FAM135A: variants seen among roughly 807,000 people sequenced by gnomAD.
FAM135A encodes protein FAM135A.
A neutral mutation model predicts 146.8 loss-of-function variants in FAM135A; 79 were observed. The ratio of observed to expected loss-of-function variants is 0.54; its 90% CI spans 0.45 to 0.65. The LOEUF is 0.65. FAM135A is among the 30% of genes least tolerant of loss of function. The pLI, the probability that FAM135A is intolerant of heterozygous loss-of-function variation, is 0.00. For synonymous variants in FAM135A, 562 were observed against 603.6 expected (o/e 0.93, Z 1.01); for missense variants, 1,623 against 1,758.2 (o/e 0.92, Z 1.38).
chr6:70,534,846 G>T (rs1796519956), intron 18 of FAM135A, among the ~76,000 whole-genome samples: 1 of 152,118 alleles, frequency 6.6e-6, no homozygotes, highest in Admixed American at 6.5e-5. Context: ...CCAACTCGAA[G>T]TATAGGGAAT....
chr6:70,489,126 A>T (rs780217748), intron 10 of FAM135A, among the ~76,000 whole-genome samples: 12 of 152,194 alleles, frequency 7.9e-5, no homozygotes, highest in Non-Finnish European at 1.6e-4. Context: ...TCTAATTTTT[A>T]AAAATCAGAG....
At chr6:70,489,598 A>C (rs1047035464) in intron 10 of FAM135A, among the ~76,000 whole-genome samples, 1 of 152,200 alleles carries the variant, frequency 6.6e-6, no homozygotes, top group African/African-American at 2.4e-5. Flanking sequence ...TGAAAGATAA[A>C]GCAGAGCAAG....
At position 70,528,393 on chromosome 6, in the gene FAM135A, A is replaced by T; in HGVS notation, c.3716A>T (p.Glu1239Val). Residue 1239 changes from glutamate to valine, a missense_variant, in exon 16 of 22, where the codon GAA (glutamate) becomes GTA (valine). By Grantham distance (121) the Glu-to-Val change is moderately radical. Coordinates refer to ENST00000418814, the MANE Select transcript of FAM135A (RefSeq NM_001162529.3). ...LASSVPYFSV[E>V]EEDGSEDGVH... ...TCCTCAGTACCTTATTTTAGTGTAG[A>T]AGAAGAGGATGGTTCTGAAGATGGA... 6.2e-7 allele frequency: 1 copy of T among 1,613,692 alleles called. No individual in the cohort carries two copies. The highest frequency in any genetic ancestry group is 1.7e-4 in the Middle Eastern group (1 of 6,056).
chr6:70,438,773 CGTT>C (rs1773799666), intron 4 of FAM135A, among the ~76,000 whole-genome samples: 1 of 152,110 alleles, frequency 6.6e-6, no homozygotes, highest in Admixed American at 6.5e-5. Context: ...TTATCTGTGA[CGTT>C]GTGAAGAAGG....
chr6:70,524,399 A>C lies in FAM135A; in HGVS notation c.1315A>C (p.Met439Leu), dbSNP rs1794260474. 6.6e-7 allele frequency: 1 copy of C among 1,519,954 alleles called. No individual in the cohort carries two copies. The highest frequency in any genetic ancestry group is 8.8e-7 in the Non-Finnish European group (1 of 1,138,830). 94.2% of individuals were successfully genotyped at this position (1,519,954 alleles called of 1,614,324 possible). ...QNLQRSESSK[M>L]DKYETEESSV... ...TCTTCAGAGATCAGAGTCCAGTAAA[A>C]TGGATAAATATGAGACTGAAGAAAG... The change falls in exon 15 of 22, where the codon ATG becomes CTG. Residue 439 changes from methionine (M) to leucine (L), a missense_variant. Met to Leu is a conservative substitution (Grantham distance 15, BLOSUM62 2). Transcript: ENST00000418814.
intron 20 of FAM135A, among the ~76,000 whole-genome samples, chr6:70,549,347 C>T (rs1434103384): frequency 2.6e-5 from 4 of 151,954 alleles, no homozygotes. Context: ...ACATGAAAAG[C>T]TGTCCCCAAA....
chr6:70,442,294 T>TA (rs1774733826), intron 4 of FAM135A, among the ~76,000 whole-genome samples: 1 of 144,194 alleles, frequency 6.9e-6, no homozygotes. Context: ...GCAGTCAAAA[T>TA]ACTGTGTTTT....
At chr6:70,547,179 A>C (rs913246199) in intron 20 of FAM135A, among the ~76,000 whole-genome samples, 1 of 152,178 alleles carries the variant, frequency 6.6e-6, no homozygotes, top group Non-Finnish European at 1.5e-5. Flanking sequence ...CTGCTGTCCT[A>C]CTGTGGCACA....
chr6:70,495,254 C>A (rs928380805), intron 11 of FAM135A, among the ~76,000 whole-genome samples: 2 of 152,154 alleles, frequency 1.3e-5, no homozygotes, highest in African/African-American at 4.8e-5. Context: ...TAAACACTTT[C>A]CATAAATTCT....
chr6:70,494,501 A>G (rs906906810), intron 11 of FAM135A, among the ~76,000 whole-genome samples: 1 of 150,202 alleles, frequency 6.7e-6, no homozygotes, highest in African/African-American at 2.4e-5. Flanking sequence ...TCTCAAGTTT[A>G]AAAAAAGAAA....
At position 70,528,274 on chromosome 6, in the gene FAM135A, T is replaced by C; in HGVS notation, c.3615-18T>C. On this transcript the variant is annotated intron_variant, in intron 15 of 21. Coordinates refer to ENST00000418814, the MANE Select transcript of FAM135A (RefSeq NM_001162529.3). Reference sequence around the variant, plus strand: ...AATATGATCCTTAGTAAAGAGTATCTTTTGTATTTTGCTTCAGCTTCCTTC... The same window carrying C: ...AATATGATCCTTAGTAAAGAGTATCCTTTGTATTTTGCTTCAGCTTCCTTC... The C allele has an allele frequency of 6.3e-7, 1 of 1,595,404 alleles. No homozygotes were observed. Among genetic ancestry groups the C allele is most frequent in the African/African-American group, 1.3e-5 (1 of 74,420 alleles).
intron 12 of FAM135A, among the ~76,000 whole-genome samples, chr6:70,515,554 G>T (rs906744122): frequency 6.6e-6 from 1 of 152,046 alleles, no homozygotes; most frequent in Non-Finnish European, 1.5e-5. Context: ...TCTGGAAAAA[G>T]AAAAACTATG....
At chr6:70,526,764 C>CAA (rs774266142) in intron 15 of FAM135A, 66 bp downstream of exon 15, 1 of 594,104 alleles carries the variant, frequency 1.7e-6, no homozygotes, top group Non-Finnish European at 2.5e-6. Flanking sequence ...CACACACACA[C>CAA]ATACACACAC....
In FAM135A at chr6:70,482,170, C is replaced by G. The variant is rs1418758236; in HGVS notation, c.823+16C>G. 4 of 1,611,376 alleles carry G rather than the reference C, an allele frequency of 2.5e-6. No individual in the cohort carries two copies. The highest frequency in any genetic ancestry group is 2.2e-5 in the East Asian group (1 of 44,722). On this transcript the variant is annotated intron_variant, in intron 10 of 21. Transcript: ENST00000418814. The stretch of plus-strand genomic sequence containing the variant: ...CTAGAACTGGGTATGTTAAAAGTAG[C>G]GAGACTTATTCTACAGTTCAAATCA...
At chr6:70,451,424 G>A (rs1777063349) in intron 4 of FAM135A, among the ~76,000 whole-genome samples, 1 of 152,086 alleles carries the variant, frequency 6.6e-6, no homozygotes, top group Admixed American at 6.5e-5. Flanking sequence ...CTTTCCCCTG[G>A]TTTCAAGGTT....
intron 12 of FAM135A, among the ~76,000 whole-genome samples, chr6:70,519,186 G>T (rs976112544): frequency 6.6e-6 from 1 of 152,158 alleles, no homozygotes; most frequent in Admixed American, 6.5e-5. Context: ...GACGAGTGGA[G>T]AAAATAACTG....
Position 70,525,088 on chromosome 6 carries a change from T to C in FAM135A, c.2004T>C (p.Ser668=), listed in dbSNP as rs763538922. ...EIKPSNKDPF[S]GENITVKLGP... ...AGCCCAGTAATAAAGATCCTTTCAG[T>C]GGAGAGAATATAACTGTCAAACTAG... Residue 668 remains serine, a synonymous_variant, in exon 15 of 22, where the codon AGT becomes AGC. Coordinates refer to ENST00000418814, the MANE Select transcript of FAM135A (RefSeq NM_001162529.3). The C allele has an allele frequency of 1.9e-6, 3 of 1,572,404 alleles. No homozygotes were observed. The highest frequency in any genetic ancestry group is 2.6e-6 in the Non-Finnish European group (3 of 1,165,544).
rs147033916 is a variant in FAM135A at position 70,444,527 on chromosome 6, T to C, written c.78-7965T>C. Reference sequence around the variant, plus strand: ...CTGCAATGAGCCATGGTTGCACCACTGTACTTCAGCCTGGGTGACAGAGTG... The same window carrying C: ...CTGCAATGAGCCATGGTTGCACCACCGTACTTCAGCCTGGGTGACAGAGTG... On this transcript the variant is annotated intron_variant, in intron 4 of 21. Transcript: ENST00000418814. Among the ~76,000 whole-genome samples, 474 of 152,278 alleles carry C rather than the reference T, an allele frequency of 3.1e-3. 3 individuals are homozygous for C. Among genetic ancestry groups the C allele is most frequent in the African/African-American group, 0.011 (449 of 41,562 alleles).
intron 5 of FAM135A, among the ~76,000 whole-genome samples, chr6:70,463,579 C>T (rs188281447): frequency 6.6e-6 from 1 of 152,082 alleles, no homozygotes; most frequent in Non-Finnish European, 1.5e-5. Context: ...TTCTATGTAC[C>T]TCTTTTAGCT....
Sources: allele counts gnomAD v4.1 joint callset (sites outside exome capture counted in the v4.1 genomes callset), GRCh38; gene constraint gnomAD v4.1.1; transcripts MANE v1.5; gene names NCBI Gene and HGNC (gene_info 2026-07-23, HGNC 2026-07-21).